APBB1: variants seen among roughly 807,000 people sequenced by gnomAD.
The protein encoded by APBB1 is adaptor protein FE65a2.
APBB1 carries 22 observed loss-of-function variants against 78.4 expected under a neutral mutation model. That is an observed-to-expected ratio of 0.28 (90% CI 0.20 to 0.40). APBB1 has a LOEUF of 0.40. Among genes scored for constraint, APBB1 ranks in the 10% least tolerant of loss-of-function variants. The probability of loss-of-function intolerance (pLI) is 1.00; values close to 1 mark genes in which losing one functional copy is unlikely to be tolerated. For missense variants in APBB1, 749 were observed against 932.4 expected (o/e 0.80, Z 2.56); for synonymous variants, 369 against 372.7 (o/e 0.99, Z 0.12).
rs1564936007 is a variant in APBB1, at chr11:6,401,444, G to A, written c.1504-15C>T. 1 of 1,613,126 alleles carries A rather than the reference G, an allele frequency of 6.2e-7. No homozygotes were observed. Among genetic ancestry groups the A allele is most frequent in the Non-Finnish European group, 8.5e-7 (1 of 1,179,190 alleles). The stretch of plus-strand genomic sequence containing the variant: ...TCGGCCATGATCTGAGGAAGGAAGG[G>A]AGGCGAGGAGCCAGGGAGAATCTAT... On this transcript the variant is annotated splice_polypyrimidine_tract_variant and intron_variant, in intron 10 of 14. Coordinates refer to ENST00000609360, the MANE Select transcript of APBB1 (RefSeq NM_001164.5). The surrounding 1 kb of genome is among the most constrained non-coding windows in gnomAD (Gnocchi z 4.5).
rs752138914 is a variant in APBB1, at chr11:6,395,771, C to G, written c.1965+15G>C. 5.5e-5 allele frequency: 89 copies of G among 1,607,228 alleles called. No individual in the cohort carries two copies. Among genetic ancestry groups the G allele is most frequent in the Non-Finnish European group, 7.4e-5 (87 of 1,177,660 alleles). ...GGGGCCACGCCACCACCACACCACC[C>G]TACTAGTAGCTTACCATGCACGCAG... On this transcript the variant is annotated intron_variant, in intron 14 of 14. Coordinates refer to ENST00000609360, the MANE Select transcript of APBB1 (RefSeq NM_001164.5). This position sits in a 1 kb window ranked among gnomAD's most constrained non-coding sequence, Gnocchi z 5.2.
intron 2 of APBB1, among the ~76,000 whole-genome samples, chr11:6,407,503 A>G (rs1002570451): frequency 3.9e-5 from 6 of 152,236 alleles, no homozygotes; most frequent in Admixed American, 3.9e-4. Context: ...CAAGCCTCAG[A>G]TAGATTGTGT....
intron 2 of APBB1, among the ~76,000 whole-genome samples, chr11:6,408,769 G>C (rs1848886995): frequency 6.6e-6 from 1 of 152,170 alleles, no homozygotes; most frequent in South Asian, 2.1e-4. Context: ...CTCCCAAAGT[G>C]CTGGGATTAC....
chr11:6,400,877 G>A (rs1442853936), intron 12 of APBB1, 112 bp downstream of exon 12: 10 of 987,892 alleles, frequency 1.0e-5, no homozygotes, highest in Non-Finnish European at 1.3e-5. Flanking sequence ...TAAAGGGTAG[G>A]GAGACACCAA....
chr11:6,407,280 C>T (rs1848835156), intron 2 of APBB1, among the ~76,000 whole-genome samples: 2 of 152,170 alleles, frequency 1.3e-5, no homozygotes, highest in South Asian at 2.1e-4. Flanking sequence ...CCTCTTGCCA[C>T]TCCAACATCC....
In APBB1 at chr11:6,401,176, T is replaced by G. The variant is rs1848478455; in HGVS notation, c.1589-104A>C. ...CACTTGCCCAGCCGAGGCCCTACTT[T>G]CATCTCGTCCCCTGCCTCCCTTTAA... On this transcript the variant is annotated intron_variant, in intron 11 of 14. Coordinates refer to ENST00000609360, the MANE Select transcript of APBB1 (RefSeq NM_001164.5). The surrounding 1 kb of genome is among the most constrained non-coding windows in gnomAD (Gnocchi z 4.5). 1.2e-6 allele frequency: 2 copies of G among 1,612,532 alleles called. No individual in the cohort carries two copies. Among genetic ancestry groups the G allele is most frequent in the Admixed American group, 1.7e-5 (1 of 59,922 alleles).
rs760718122 is a variant in APBB1, at chr11:6,402,002, A to T, written c.1383-20T>A. 6.3e-7 allele frequency: 1 copy of T among 1,586,392 alleles called. No homozygotes were observed. The highest frequency in any genetic ancestry group is 8.6e-7 in the Non-Finnish European group (1 of 1,163,872). On this transcript the variant is annotated intron_variant, in intron 8 of 14. Transcript: ENST00000609360. Reference sequence around the variant, plus strand: ...CTCTCTCTGGGTCCAGCAGCACAAGAGAGGCAAATAACAGAGTTAGAGAGG... The same window carrying T: ...CTCTCTCTGGGTCCAGCAGCACAAGTGAGGCAAATAACAGAGTTAGAGAGG...
intron 2 of APBB1, among the ~76,000 whole-genome samples, chr11:6,409,903 A>G (rs1041444920): frequency 1.3e-5 from 2 of 152,188 alleles, no homozygotes; most frequent in Non-Finnish European, 2.9e-5. Context: ...TCTAACTTTT[A>G]GTCAATATCC....
chr11:6,412,868 T>A (rs1849007364), intron 1 of APBB1, among the ~76,000 whole-genome samples: 1 of 152,114 alleles, frequency 6.6e-6, no homozygotes, highest in Non-Finnish European at 1.5e-5. Context: ...TCCACCTGCC[T>A]CTCAGGTAAG....
chr11:6,405,067 C>G (rs1848741323), intron 2 of APBB1: 4 of 1,394,294 alleles, frequency 2.9e-6, no homozygotes, highest in Non-Finnish European at 3.7e-6. Flanking sequence ...CTGCTCACAC[C>G]TCTTCTTCCT....
Position 6,403,433 on chromosome 11 carries a change from C to T in APBB1, c.955-29G>A, listed in dbSNP as rs1330365058. 10 of 1,614,124 alleles carry T rather than the reference C, an allele frequency of 6.2e-6. No homozygotes were observed. Among genetic ancestry groups the T allele is most frequent in the Non-Finnish European group, 8.5e-6 (10 of 1,179,962 alleles). On this transcript the variant is annotated intron_variant, in intron 4 of 14. Coordinates refer to ENST00000609360, the MANE Select transcript of APBB1 (RefSeq NM_001164.5). This position sits in a 1 kb window ranked among gnomAD's most constrained non-coding sequence, Gnocchi z 5.3. ...GGGAAGGGGATTGAGGAATCAGTAT[C>T]AAAATGATGCCCCTCCTCCAGCTAT...
Position 6,416,298 on chromosome 11 carries a change from T to C in APBB1, c.-15+2687A>G, listed in dbSNP as rs539077261. Reference sequence around the variant, plus strand: ...CTCTATTAGCCATTACCTGCTGGAGTTTCTTATGGCTTATTCTCATGCCCC... The same window carrying C: ...CTCTATTAGCCATTACCTGCTGGAGCTTCTTATGGCTTATTCTCATGCCCC... On this transcript the variant is annotated intron_variant, in intron 1 of 14. Transcript: ENST00000609360. Among the ~76,000 whole-genome samples the C allele has an allele frequency of 9.2e-5, 14 of 152,230 alleles. No homozygotes were observed. In the South Asian group the frequency reaches 2.9e-3, roughly 32 times the overall value.
rs367894248 is a variant in APBB1, at chr11:6,403,691, G to A, written c.853C>T (p.Arg285Trp). ...CTGCTCCCCTGTGAGGGGGAGGCCC[G>A]GCCGGGGGGTTCCCACTGGGTGGTC... ...TGTTQWEPPG[R>W]ASPSQGSSPQ... Residue 285 changes from arginine (R) to tryptophan (W), a missense_variant, in exon 3 of 15, where the codon CGG becomes TGG. Arg to Trp is a moderately radical substitution (Grantham distance 101). Transcript: ENST00000609360. The surrounding 1 kb of genome is among the most constrained non-coding windows in gnomAD (Gnocchi z 5.3). The A allele has an allele frequency of 1.4e-5, 22 of 1,608,632 alleles. No individual in the cohort carries two copies. The highest frequency in any genetic ancestry group is 2.2e-5 in the East Asian group (1 of 44,766).
intron 2 of APBB1, chr11:6,404,546 C>T: frequency 6.6e-7 from 1 of 1,523,362 alleles, no homozygotes; most frequent in Non-Finnish European, 8.8e-7. Flanking sequence ...CACAGACGCT[C>T]ACTTCCTGAC....
At position 6,410,940 on chromosome 11, in the gene APBB1, G is replaced by A; in HGVS notation, c.408C>T (p.Gly136=). 1 of 1,614,140 alleles carries A rather than the reference G, an allele frequency of 6.2e-7. No homozygotes were observed. Among genetic ancestry groups the A allele is most frequent in the Non-Finnish European group, 8.5e-7 (1 of 1,180,038 alleles). Residue 136 remains glycine (G), a synonymous_variant, in exon 2 of 15, where the codon GGC becomes GGT. Coordinates refer to ENST00000609360, the MANE Select transcript of APBB1 (RefSeq NM_001164.5). Reference sequence around the variant, plus strand: ...CCTGCTCTTGAGTGCTGATGATCAGGCCAGGTCCTCGTAGGCCTCGGTTGG... The same window carrying A: ...CCTGCTCTTGAGTGCTGATGATCAGACCAGGTCCTCGTAGGCCTCGGTTGG... ...NAANRGLRGP[G]LIISTQEQGP...
Position 6,395,640 on chromosome 11 carries a change from G to A in APBB1, c.2027C>T (p.Pro676Leu), listed in dbSNP as rs1333886298. 6.3e-7 allele frequency: 1 copy of A among 1,595,558 alleles called. No individual in the cohort carries two copies. The highest frequency in any genetic ancestry group is 8.5e-7 in the Non-Finnish European group (1 of 1,169,712). Reference protein sequence around the residue: ...SQASTSCLPAPPAESVARRVG... With the variant: ...SQASTSCLPALPAESVARRVG... ...ACGCCGTGCCACAGACTCAGCAGGGGGTGCTGGGAGGCAGGAGGTGGAGGC... is the reference window on the plus strand; with the variant it reads ...ACGCCGTGCCACAGACTCAGCAGGGAGTGCTGGGAGGCAGGAGGTGGAGGC... The change falls in exon 15 of 15, where the codon CCC (proline) becomes CTC (leucine). Residue 676 changes from proline to leucine, a missense_variant. By Grantham distance (98) the Pro-to-Leu change is moderately conservative. This residue lies in a region of APBB1 where 96 missense variants were observed against 116.0 expected (regional missense o/e 0.83). Coordinates refer to ENST00000609360, the MANE Select transcript of APBB1 (RefSeq NM_001164.5). The surrounding 1 kb of genome is among the most constrained non-coding windows in gnomAD (Gnocchi z 5.2).
At chr11:6,408,215 A>G (rs928331632) in intron 2 of APBB1, among the ~76,000 whole-genome samples, 5 of 152,250 alleles carry the variant, frequency 3.3e-5, no homozygotes, top group African/African-American at 1.2e-4. Flanking sequence ...AGCATGGTAA[A>G]TATGACCACA....
At position 6,395,869 on chromosome 11, in the gene APBB1, C is replaced by T. The variant is rs770078300; in HGVS notation, c.1882G>A (p.Gly628Ser). The T allele has an allele frequency of 9.3e-6, 15 of 1,614,048 alleles. No individual in the cohort carries two copies. Among genetic ancestry groups the T allele is most frequent in the African/African-American group, 5.3e-5 (4 of 75,018 alleles). ...VHTFAFIMAAGPASFCCHMFW... is the reference protein window; with the variant it reads ...VHTFAFIMAASPASFCCHMFW... Reference sequence around the variant, plus strand: ...ATGTGGCAGCAGAAGGAGGCTGGGCCGGCAGCCATGATGAATGCAAACGTG... The same window carrying T: ...ATGTGGCAGCAGAAGGAGGCTGGGCTGGCAGCCATGATGAATGCAAACGTG... The change falls in exon 14 of 15, where the codon GGC (glycine) becomes AGC (serine). Residue 628 changes from glycine to serine, a missense_variant. By Grantham distance (56) the Gly-to-Ser change is moderately conservative. This residue lies in a region of APBB1 where 96 missense variants were observed against 116.0 expected (regional missense o/e 0.83). Coordinates refer to ENST00000609360, the MANE Select transcript of APBB1 (RefSeq NM_001164.5). The surrounding 1 kb of genome is among the most constrained non-coding windows in gnomAD (Gnocchi z 5.2).
rs754420506 is a variant in APBB1 at position 6,411,356 on chromosome 11, C to A, written c.-9G>T. The A allele has an allele frequency of 5.2e-6, 8 of 1,529,670 alleles. No homozygotes were observed. Among genetic ancestry groups the A allele is most frequent in the Non-Finnish European group, 7.0e-6 (8 of 1,139,950 alleles). 94.8% of individuals were successfully genotyped at this position (1,529,670 alleles called of 1,614,324 possible). A position where few individuals can be genotyped will look rare whatever the true frequency, so the allele number is the denominator to read the frequency against. On this transcript the variant is annotated 5_prime_UTR_variant, in exon 2 of 15. Transcript: ENST00000609360. The surrounding 1 kb of genome is among the most constrained non-coding windows in gnomAD (Gnocchi z 5.2). ...GATGATGGAACAGACATGGCCTTGG[C>A]AGCTCCTGTGGGGTGCGGAGGGGAG...
Sources: gnomAD v4.1 joint callset for allele counts (sites outside exome capture counted in the v4.1 genomes callset) on GRCh38, gnomAD v4.1.1 for gene constraint, gnomAD v4.1.1 regional missense constraint, Gnocchi (gnomAD v3.1) non-coding constraint, MANE v1.5 for transcripts, NCBI Gene and HGNC (gene_info 2026-07-23, HGNC 2026-07-21) for gene names.